Variants in ADAMTSL1 observed in about 807,000 individuals in gnomAD.
ADAMTSL1 encodes the protein ADAMTS-like protein 1.
In ADAMTSL1, 126 loss-of-function variants were observed where a neutral mutation model predicts 201.8. The observed-to-expected ratio is 0.62, with a 90% CI of 0.54 to 0.72. The LOEUF (loss-of-function observed/expected upper bound fraction) is 0.72. Among genes scored for constraint, ADAMTSL1 ranks in the 30% least tolerant of loss-of-function variants. ADAMTSL1 has a pLI of 0.00. For synonymous variants in ADAMTSL1, 1,121 were observed against 903.4 expected (o/e 1.24, Z -4.32); for missense variants, 2,679 against 2,277.8 (o/e 1.18, Z -3.59).
chr9:18,000,145 G>A (rs1201527132), intron 1 of ADAMTSL1, among the ~76,000 whole-genome samples: 1 of 150,322 alleles, frequency 6.7e-6, no homozygotes, highest in Non-Finnish European at 1.5e-5. Flanking sequence ...GGGTCAAATG[G>A]TATTTCTAGT....
chr9:18,091,909 G>T (rs533609706), intron 1 of ADAMTSL1, among the ~76,000 whole-genome samples: 1 of 152,036 alleles, frequency 6.6e-6, no homozygotes, highest in African/African-American at 2.4e-5. Context: ...GAGGCTGCAA[G>T]GAAATCACAA....
At chr9:18,262,833 G>A (rs1449216211) in intron 2 of ADAMTSL1, among the ~76,000 whole-genome samples, 1 of 152,198 alleles carries the variant, frequency 6.6e-6, no homozygotes, top group Non-Finnish European at 1.5e-5. Context: ...AATGACAACA[G>A]AGAAAGTACT....
At chr9:18,138,950 A>T (rs969126696) in intron 1 of ADAMTSL1, among the ~76,000 whole-genome samples, 1 of 152,156 alleles carries the variant, frequency 6.6e-6, no homozygotes, top group Non-Finnish European at 1.5e-5. Flanking sequence ...ATGTGTGTGT[A>T]TGAGGAAGAC....
intron 4 of ADAMTSL1, among the ~76,000 whole-genome samples, chr9:18,580,950 T>C (rs1481411710): frequency 1.3e-5 from 2 of 148,322 alleles, no homozygotes; most frequent in Non-Finnish European, 3.0e-5. Flanking sequence ...GCTTGAATCA[T>C]TTCAATTGCA....
Position 18,683,230 on chromosome 9 carries a change from G to GTTTTTT in ADAMTSL1, c.1489+1278_1489+1283dup, listed in dbSNP as rs60751848. ...AGCTTCATTTACTGAGGTTTTTTTT[G>GTTTTTT]TTTTTTTTTTTTGAGACGGAGTCTC... On this transcript the variant is annotated intron_variant, in intron 12 of 28. Transcript: ENST00000380548. 6.0e-4 allele frequency among the ~76,000 whole-genome samples: 86 copies of GTTTTTT among 143,660 alleles called. 1 individual carries two copies. In the South Asian group the frequency reaches 0.013, roughly 22 times the overall value. The allele number at this position is 143,660 out of a possible 152,430, so 94.2% of individuals were successfully genotyped here.
In ADAMTSL1 at chr9:18,441,534, T is replaced by C. The variant is rs538152683; in HGVS notation, c.208-63295T>C. On this transcript the variant is annotated intron_variant, in intron 2 of 29. Transcript: ENST00000680146. ...TTTCTGTTGGGGATAGAAAGGAAGA[T>C]CTGGGAAATTCACCCTGGACTGCCA... Among the ~76,000 whole-genome samples the C allele has an allele frequency of 3.9e-5, 6 of 152,244 alleles. No individual in the cohort carries two copies. In the South Asian group the frequency reaches 1.0e-3, roughly 26 times the overall value.
intron 2 of ADAMTSL1, among the ~76,000 whole-genome samples, chr9:18,354,285 A>G (rs1166471501): frequency 6.6e-6 from 1 of 151,992 alleles, no homozygotes; most frequent in Non-Finnish European, 1.5e-5. Flanking sequence ...AAAGGTTTTG[A>G]TAATATAAAT....
chr9:18,460,160 A>C (rs1445358807), intron 2 of ADAMTSL1, among the ~76,000 whole-genome samples: 4 of 152,230 alleles, frequency 2.6e-5, no homozygotes, highest in Non-Finnish European at 5.9e-5. Context: ...ACATTTCATG[A>C]TCAGCTAAGC....
rs920204702 is a variant in ADAMTSL1, at chr9:18,859,266, C to T, written c.4250-28565C>T. ...GGAAATATATTCGTCTTTTCCAGCTCCTCAAAGCCACCTGCATCCCTTGGC... is the reference window on the plus strand; with the variant it reads ...GGAAATATATTCGTCTTTTCCAGCTTCTCAAAGCCACCTGCATCCCTTGGC... On this transcript the variant is annotated intron_variant, in intron 23 of 28. Coordinates refer to ENST00000380548, the MANE Select transcript of ADAMTSL1 (RefSeq NM_001040272.6). 2.0e-5 allele frequency among the ~76,000 whole-genome samples: 3 copies of T among 152,208 alleles called. No individual in the cohort carries two copies. The South Asian group carries it at 6.2e-4, about 32-fold the overall frequency.
chr9:18,630,233 A>G (rs1318070802), intron 5 of ADAMTSL1, among the ~76,000 whole-genome samples: 1 of 152,184 alleles, frequency 6.6e-6, no homozygotes, highest in Non-Finnish European at 1.5e-5. Flanking sequence ...CTTTCTGAGT[A>G]GACTACTTAA....
intron 1 of ADAMTSL1, among the ~76,000 whole-genome samples, chr9:18,110,680 C>T (rs1824968975): frequency 6.6e-6 from 1 of 152,138 alleles, no homozygotes; most frequent in Non-Finnish European, 1.5e-5. Context: ...GGCATGGAGA[C>T]TCTCTAAGCT....
At chr9:18,225,562 A>C (rs543283931) in intron 2 of ADAMTSL1, among the ~76,000 whole-genome samples, 1 of 152,246 alleles carries the variant, frequency 6.6e-6, no homozygotes, top group South Asian at 2.1e-4. Context: ...TATTTTTCAT[A>C]TTTAAAAGCA....
chr9:18,498,823 C>A (rs915032164), intron 1 of ADAMTSL1, among the ~76,000 whole-genome samples: 8 of 152,198 alleles, frequency 5.3e-5, no homozygotes, highest in Non-Finnish European at 1.0e-4. Context: ...AAAAAAAATT[C>A]TCACCTGACC....
In ADAMTSL1 at chr9:18,240,337, G is replaced by A. The variant is rs199806658; in HGVS notation, c.207+76356G>A. On this transcript the variant is annotated intron_variant, in intron 2 of 29. Transcript: ENST00000680146. Reference sequence around the variant, plus strand: ...TTAATGAACAGTAATGTTTTAAAATGAATCTTTTTTTTTTTTTCTAAGCAG... The same window carrying A: ...TTAATGAACAGTAATGTTTTAAAATAAATCTTTTTTTTTTTTTCTAAGCAG... 6.5e-5 allele frequency among the ~76,000 whole-genome samples: 8 copies of A among 123,912 alleles called. 1 individual carries two copies. In the East Asian group the frequency reaches 1.7e-3, roughly 26 times the overall value. The allele number at this position is 123,912 out of a possible 152,430, so 81.3% of individuals were successfully genotyped here. A position where few individuals can be genotyped will look rare whatever the true frequency, so the allele number is the denominator to read the frequency against.
chr9:18,102,282 C>G (rs1824562597), intron 1 of ADAMTSL1, among the ~76,000 whole-genome samples: 1 of 151,812 alleles, frequency 6.6e-6, no homozygotes, highest in South Asian at 2.1e-4. Context: ...ATTTTTTAGC[C>G]ATTTATTTTA....
chr9:18,379,920 C>T (rs1015470186), intron 2 of ADAMTSL1, among the ~76,000 whole-genome samples: 1 of 152,192 alleles, frequency 6.6e-6, no homozygotes, highest in African/African-American at 2.4e-5. Context: ...ATTAAAGCCC[C>T]CCTTCCTGTT....
At chr9:18,130,140 A>C (rs1825889559) in intron 1 of ADAMTSL1, among the ~76,000 whole-genome samples, 1 of 152,124 alleles carries the variant, frequency 6.6e-6, no homozygotes, top group Non-Finnish European at 1.5e-5. Context: ...TCTTGCCATC[A>C]CAGTAACCTC....
chr9:18,271,146 A>T (rs1832345412), intron 2 of ADAMTSL1, among the ~76,000 whole-genome samples: 1 of 152,182 alleles, frequency 6.6e-6, no homozygotes, highest in Non-Finnish European at 1.5e-5. Flanking sequence ...AGATAATAAA[A>T]ATGTCACAAA....
At chr9:18,689,663 T>C (rs1351232120) in intron 13 of ADAMTSL1, among the ~76,000 whole-genome samples, 1 of 152,198 alleles carries the variant, frequency 6.6e-6, no homozygotes, top group Admixed American at 6.5e-5. Context: ...TCCAGATATA[T>C]TTCAGTTGCC....
Sources: gnomAD v4.1 joint callset for allele counts (sites outside exome capture counted in the v4.1 genomes callset) on GRCh38, gnomAD v4.1.1 for gene constraint, MANE v1.5 for transcripts, NCBI Gene and HGNC (gene_info 2026-07-23, HGNC 2026-07-21) for gene names.